SNRNP40: variants seen among roughly 807,000 people sequenced by gnomAD.
The protein encoded by SNRNP40 is U5 small nuclear ribonucleoprotein 40 kDa protein.
Under a neutral mutation model 45.8 loss-of-function variants are expected in SNRNP40, and 21 were observed. The ratio of observed to expected loss-of-function variants is 0.46; its 90% CI spans 0.32 to 0.66. The LOEUF (loss-of-function observed/expected upper bound fraction) is 0.66, where lower values mean the gene tolerates loss of function less well. Ranked by LOEUF, SNRNP40 falls within the 30% of genes least tolerant of loss-of-function variation. The pLI is 0.03. For synonymous variants in SNRNP40, 142 were observed against 163.8 expected, an observed-to-expected ratio of 0.87 and a Z score of 1.01; for missense variants, 344 against 439.1, an observed-to-expected ratio of 0.78 and a Z score of 1.94.
chr1:31,277,852 G>A (rs1275686181), intron 5 of SNRNP40, among the ~76,000 whole-genome samples: 2 of 152,166 alleles, frequency 1.3e-5, no homozygotes, highest in East Asian at 3.9e-4. Flanking sequence ...ATGCCACCAT[G>A]CCTGGTTAAT....
chr1:31,263,445 C>T (rs1645875401), intron 8 of SNRNP40: 1 of 209,466 alleles, frequency 4.8e-6, no homozygotes, highest in Non-Finnish European at 9.7e-6. Context: ...TCCCAAAGTG[C>T]TGGGATGACG....
rs1199197929 is a variant in SNRNP40 at position 31,281,511 on chromosome 1, A to G, written c.532-15T>C. ...ATGTCCCAAAGCTGAAGCAAAGGAC[A>G]AGACAGTCTATCAGCAACATCATTC... On this transcript the variant is annotated splice_polypyrimidine_tract_variant and intron_variant, in intron 4 of 9. Coordinates refer to ENST00000263694, the MANE Select transcript of SNRNP40 (RefSeq NM_004814.3). 1 of 1,590,188 alleles carries G rather than the reference A, an allele frequency of 6.3e-7. No homozygotes were observed. Among genetic ancestry groups the G allele is most frequent in the Admixed American group, 1.7e-5 (1 of 59,572 alleles).
At chr1:31,284,805 T>A (rs565037421) in intron 4 of SNRNP40, among the ~76,000 whole-genome samples, 1 of 152,308 alleles carries the variant, frequency 6.6e-6, no homozygotes, top group African/African-American at 2.4e-5. Flanking sequence ...AGTTTCTTCT[T>A]TGTTCATGTA....
intron 5 of SNRNP40, among the ~76,000 whole-genome samples, chr1:31,278,611 T>A (rs1029285896): frequency 6.6e-6 from 1 of 152,234 alleles, no homozygotes; most frequent in Non-Finnish European, 1.5e-5. Flanking sequence ...AAAGTTGATC[T>A]AAGTTTCCAT....
intron 5 of SNRNP40, among the ~76,000 whole-genome samples, chr1:31,280,149 C>A (rs1569656630): frequency 2.2e-5 from 3 of 136,138 alleles, no homozygotes; most frequent in African/African-American, 2.7e-5. Flanking sequence ...TACCTTTAGA[C>A]AAAAGCAAGG....
At chr1:31,286,208 A>G (rs979146508) in intron 4 of SNRNP40, among the ~76,000 whole-genome samples, 3 of 152,000 alleles carry the variant, frequency 2.0e-5, no homozygotes, top group Non-Finnish European at 2.9e-5. Flanking sequence ...ATTTTTTTCT[A>G]TATGTTTCTA....
chr1:31,260,863 C>CA (rs755455035), intron 9 of SNRNP40: 21,300 of 473,054 alleles, frequency 0.045, 16 homozygotes, highest in East Asian at 0.054. Flanking sequence ...GACTCTGTCT[C>CA]AAAAAAAAAA....
intron 8 of SNRNP40, among the ~76,000 whole-genome samples, chr1:31,266,839 G>C (rs1341311237): frequency 3.9e-5 from 6 of 152,200 alleles, no homozygotes; most frequent in African/African-American, 1.4e-4. Flanking sequence ...AAACTAATTG[G>C]TTAGAAAAGC....
intron 5 of SNRNP40, among the ~76,000 whole-genome samples, chr1:31,276,012 C>A (rs907931135): frequency 6.6e-6 from 1 of 152,072 alleles, no homozygotes. Flanking sequence ...CATGAAACAG[C>A]CTAAATGTCC....
At position 31,296,713 on chromosome 1, in the gene SNRNP40, C is replaced by G. The variant is rs3737752; in HGVS notation, c.39G>C (p.Pro13=). ...EQQKRKGPEL[P]LVPVKRQRHE... ...GCCGCTGCCGCTTGACTGGAACCAG[C>G]GGCAACTCTGGGCCCTTACGCTTCT... The change falls in exon 1 of 10, where the codon CCG becomes CCC. Residue 13 remains proline, a synonymous_variant. Coordinates refer to ENST00000263694, the MANE Select transcript of SNRNP40 (RefSeq NM_004814.3). 4,106 of 1,613,538 alleles carry G rather than the reference C, an allele frequency of 2.5e-3. 107 individuals carry two copies. The East Asian group carries it at 0.061, about 24-fold the overall frequency.
intron 8 of SNRNP40, 199 bp from the exon 9 acceptor site, chr1:31,261,831 T>C: frequency 2.3e-6 from 1 of 430,574 alleles, no homozygotes. Context: ...GGTGGAGAAA[T>C]AAGAATAACT....
chr1:31,276,587 A>C (rs1645976465), intron 5 of SNRNP40, among the ~76,000 whole-genome samples: 1 of 152,178 alleles, frequency 6.6e-6, no homozygotes, highest in Non-Finnish European at 1.5e-5. Flanking sequence ...ATGTGATAAT[A>C]AGTGAAAAGA....
At chr1:31,293,405 A>C in intron 1 of SNRNP40, 57 bp from the exon 2 acceptor site, 2 of 1,520,168 alleles carry the variant, frequency 1.3e-6, no homozygotes, top group Non-Finnish European at 1.8e-6. Flanking sequence ...AGGCTACAAA[A>C]TTAGGGGGTG....
chr1:31,275,781 G>A (rs1204844849), intron 5 of SNRNP40, among the ~76,000 whole-genome samples: 2 of 152,128 alleles, frequency 1.3e-5, no homozygotes, highest in Non-Finnish European at 2.9e-5. Context: ...TGTTATACAA[G>A]AGCAAAAATA....
At chr1:31,262,741 T>C (rs977262437) in intron 8 of SNRNP40, among the ~76,000 whole-genome samples, 1 of 151,936 alleles carries the variant, frequency 6.6e-6, no homozygotes, top group Admixed American at 6.6e-5. Flanking sequence ...ATTATGAGGC[T>C]GGGCATGGTG....
At chr1:31,280,551 A>C (rs1646008585) in intron 5 of SNRNP40, among the ~76,000 whole-genome samples, 1 of 104,934 alleles carries the variant, frequency 9.5e-6, no homozygotes, top group Admixed American at 9.6e-5. Context: ...ACAACACAGA[A>C]AGTTGAGTAT....
Position 31,291,924 on chromosome 1 carries a change from G to A in SNRNP40, c.354C>T (p.Asn118=), listed in dbSNP as rs1160434754. 6.2e-7 allele frequency: 1 copy of A among 1,607,882 alleles called. No homozygotes were observed. Among genetic ancestry groups the A allele is most frequent in the Admixed American group, 1.7e-5 (1 of 60,008 alleles). The stretch of plus-strand genomic sequence containing the variant: ...TGCAGAATACTCACCTGCCATCTGT[G>A]TTGTAATGCAATTCCATCACTGCTC... The part of the protein sequence containing the change: ...HSGAVMELHY[N]TDGSMLFSAS... The change falls in exon 3 of 10, where the codon AAC becomes AAT. Residue 118 remains asparagine (N), a synonymous_variant. Transcript: ENST00000263694.
At chr1:31,282,702 C>T (rs1646028176) in intron 4 of SNRNP40, among the ~76,000 whole-genome samples, 2 of 151,766 alleles carry the variant, frequency 1.3e-5, no homozygotes, top group Non-Finnish European at 2.9e-5. Context: ...TAGGGACAGA[C>T]TCTCCCTCTG....
At chr1:31,283,084 G>A (rs533187703) in intron 4 of SNRNP40, among the ~76,000 whole-genome samples, 45 of 152,312 alleles carry the variant, frequency 3.0e-4, no homozygotes, top group Non-Finnish European at 5.1e-4. Flanking sequence ...TGCACAAGCA[G>A]GAAGTGAAAG....
Sources: allele counts gnomAD v4.1 joint callset (sites outside exome capture counted in the v4.1 genomes callset), GRCh38; gene constraint gnomAD v4.1.1; transcripts MANE v1.5; gene names NCBI Gene and HGNC (gene_info 2026-07-23, HGNC 2026-07-21).